Variants in ASTN2 observed in about 807,000 individuals in gnomAD.
ASTN2 encodes astrotactin 2.
A neutral mutation model predicts 139.8 loss-of-function variants in ASTN2; 54 were observed. The observed-to-expected ratio is 0.39, with a 90% CI of 0.31 to 0.48. The LOEUF (loss-of-function observed/expected upper bound fraction) is 0.48, where lower values mean the gene tolerates loss of function less well. Among genes scored for constraint, ASTN2 ranks in the 20% least tolerant of loss-of-function variants. The probability of loss-of-function intolerance (pLI) is 0.95; values close to 1 mark genes in which losing one functional copy is unlikely to be tolerated. For synonymous variants in ASTN2, 756 were observed against 719.5 expected (o/e 1.05, Z -0.81); for missense variants, 1,565 against 1,725.1 (o/e 0.91, Z 1.64).
At chr9:116,565,379 CTCTCTCTCCA>C (rs1370855966) in intron 19 of ASTN2, among the ~76,000 whole-genome samples, 68 of 34,384 alleles carry the variant, frequency 2.0e-3, no homozygotes, top group Admixed American at 5.8e-3. Context: ...CTCTCTCTCT[CTCTCTCTCCA>C]TATATATATA....
chr9:116,598,324 T>G (rs1429242314), intron 19 of ASTN2, among the ~76,000 whole-genome samples: 1 of 152,204 alleles, frequency 6.6e-6, no homozygotes, highest in Non-Finnish European at 1.5e-5. Flanking sequence ...GGTAAAATAC[T>G]GGGCTGAAAC....
intron 21 of ASTN2, among the ~76,000 whole-genome samples, chr9:116,441,514 C>CT (rs898905052): frequency 4.0e-4 from 59 of 148,180 alleles, no homozygotes; most frequent in Non-Finnish European, 7.0e-4. Flanking sequence ...TTTATTTGTA[C>CT]TTTTTTTTTT....
chr9:116,765,658 A>C (rs1829787379), intron 13 of ASTN2, among the ~76,000 whole-genome samples: 1 of 152,154 alleles, frequency 6.6e-6, no homozygotes, highest in African/African-American at 2.4e-5. Flanking sequence ...AGTCTAGGTA[A>C]TAGAATACTG....
chr9:116,924,206 C>T (rs964927980), intron 10 of ASTN2, among the ~76,000 whole-genome samples: 27 of 151,380 alleles, frequency 1.8e-4, no homozygotes, highest in Non-Finnish European at 3.4e-4. Context: ...GTCAGGAGTT[C>T]GGAACCAGCC....
At chr9:117,037,482 C>T (rs908244239) in intron 6 of ASTN2, among the ~76,000 whole-genome samples, 1 of 152,100 alleles carries the variant, frequency 6.6e-6, no homozygotes. Context: ...GATGGAGAGA[C>T]AGAGGCTCAG....
At chr9:117,169,852 T>C (rs1346398446) in intron 3 of ASTN2, among the ~76,000 whole-genome samples, 3 of 152,242 alleles carry the variant, frequency 2.0e-5, no homozygotes, top group African/African-American at 7.2e-5. Flanking sequence ...AGGAGATATG[T>C]AAACACCAAA....
At chr9:116,709,483 AC>A (rs1262880515) in intron 16 of ASTN2, among the ~76,000 whole-genome samples, 1 of 152,126 alleles carries the variant, frequency 6.6e-6, no homozygotes, top group Non-Finnish European at 1.5e-5. Flanking sequence ...AACTGGCCAA[AC>A]TTTATGCGGT....
At chr9:117,138,153 G>C (rs1194863726) in intron 4 of ASTN2, among the ~76,000 whole-genome samples, 1 of 152,134 alleles carries the variant, frequency 6.6e-6, no homozygotes, top group East Asian at 1.9e-4. Flanking sequence ...GAGGATAGTA[G>C]ACAAGCAAAA....
intron 5 of ASTN2, among the ~76,000 whole-genome samples, chr9:117,084,412 C>T (rs1828508904): frequency 1.3e-5 from 2 of 152,182 alleles, no homozygotes; most frequent in South Asian, 2.1e-4. Flanking sequence ...CAAAAACCTA[C>T]AAAGTTCTCT....
At chr9:116,469,366 A>G (rs1251489049) in intron 20 of ASTN2, among the ~76,000 whole-genome samples, 1 of 152,028 alleles carries the variant, frequency 6.6e-6, no homozygotes. Context: ...ACCAATTTCA[A>G]TTGGCTTGTG....
chr9:117,180,554 C>A (rs1588047394), intron 3 of ASTN2: 2 of 698,776 alleles, frequency 2.9e-6, no homozygotes, highest in African/African-American at 3.6e-5. Context: ...CATATTTCAG[C>A]ACACTCACAG....
chr9:116,934,211 T>C (rs1347937966), intron 10 of ASTN2, among the ~76,000 whole-genome samples: 1 of 152,070 alleles, frequency 6.6e-6, no homozygotes, highest in Admixed American at 6.6e-5. Context: ...GGTGCCTCGA[T>C]GCCTTGGATC....
At chr9:116,655,764 C>T (rs985743667) in intron 16 of ASTN2, among the ~76,000 whole-genome samples, 1 of 152,180 alleles carries the variant, frequency 6.6e-6, no homozygotes, top group Non-Finnish European at 1.5e-5. Flanking sequence ...AATCTCAGCT[C>T]ACTGAAATCT....
intron 10 of ASTN2, among the ~76,000 whole-genome samples, chr9:116,928,869 A>T (rs1186752219): frequency 6.6e-6 from 1 of 152,184 alleles, no homozygotes; most frequent in Non-Finnish European, 1.5e-5. Context: ...TCATCCCTTC[A>T]CAAGAAGTGA....
Position 116,436,595 on chromosome 9 carries a change from G to A in ASTN2, c.3782+4014C>T, listed in dbSNP as rs186435615. Among the ~76,000 whole-genome samples the A allele has an allele frequency of 3.3e-3, 510 of 152,310 alleles. 2 individuals are homozygous for A. Among genetic ancestry groups the A allele is most frequent in the Non-Finnish European group, 6.1e-3 (417 of 68,022 alleles). ...ATATAAGATTCTAAATCTAGTAAGT[G>A]CAGGAAAGATAGTTAAACCATTAGG... On this transcript the variant is annotated intron_variant, in intron 22 of 22. Coordinates refer to ENST00000313400, the MANE Select transcript of ASTN2 (RefSeq NM_001365068.1).
intron 16 of ASTN2, among the ~76,000 whole-genome samples, chr9:116,717,926 T>TC (rs1476684225): frequency 6.6e-6 from 1 of 152,168 alleles, no homozygotes; most frequent in Non-Finnish European, 1.5e-5. Flanking sequence ...TCAATCTCAC[T>TC]CACTCATTTA....
At chr9:117,336,044 G>T in intron 1 of ASTN2, among the ~76,000 whole-genome samples, 1 of 144,876 alleles carries the variant, frequency 6.9e-6, no homozygotes, top group Non-Finnish European at 1.5e-5. Context: ...AAGGAGACAG[G>T]AGGTCTGGAA....
chr9:116,941,391 C>A lies in ASTN2; in HGVS notation c.1889+33817G>T, dbSNP rs72755626. 7.1e-3 allele frequency among the ~76,000 whole-genome samples: 1,075 copies of A among 151,862 alleles called. 5 individuals carry two copies. The highest frequency in any genetic ancestry group is 0.011 in the Non-Finnish European group (771 of 67,950). On this transcript the variant is annotated intron_variant, in intron 10 of 22. Transcript: ENST00000313400. Reference sequence around the variant, plus strand: ...AGATAGTGCAGATAATTTCTGTACACCTTTCACCCAGCTTCCATTCAGCTT... The same window carrying A: ...AGATAGTGCAGATAATTTCTGTACAACTTTCACCCAGCTTCCATTCAGCTT...
chr9:117,122,497 C>T (rs1043353339), intron 4 of ASTN2, among the ~76,000 whole-genome samples: 1 of 152,138 alleles, frequency 6.6e-6, no homozygotes, highest in African/African-American at 2.4e-5. Context: ...GGTATTGGCT[C>T]TGTATATGGA....
Sources: gnomAD v4.1 joint callset for allele counts (sites outside exome capture counted in the v4.1 genomes callset) on GRCh38, gnomAD v4.1.1 for gene constraint, MANE v1.5 for transcripts, NCBI Gene and HGNC (gene_info 2026-07-23, HGNC 2026-07-21) for gene names.